FLACC1: variants seen among roughly 807,000 people sequenced by gnomAD.
The protein encoded by FLACC1 is flagellum-associated coiled-coil domain-containing protein 1.
A neutral mutation model predicts 62.8 loss-of-function variants in FLACC1; 66 were observed. That is an observed-to-expected ratio of 1.05 (90% CI 0.86 to 1.29). The LOEUF is 1.29. Among genes scored for constraint, FLACC1 ranks in the 50% most tolerant of loss-of-function variants. The probability of loss-of-function intolerance (pLI) is 0.00; values close to 1 mark genes in which losing one functional copy is unlikely to be tolerated. For synonymous variants in FLACC1, 156 were observed against 161.0 expected, an observed-to-expected ratio of 0.97 and a Z score of 0.24; for missense variants, 452 against 489.1, an observed-to-expected ratio of 0.92 and a Z score of 0.71.
intron 12 of FLACC1, among the ~76,000 whole-genome samples, chr2:201,290,674 C>A (rs968514374): frequency 6.6e-6 from 1 of 152,076 alleles, no homozygotes; most frequent in Non-Finnish European, 1.5e-5. Context: ...GATTGTCAGA[C>A]AGTGGGTGCA....
At chr2:201,301,891 A>C (rs1378891538) in intron 11 of FLACC1, among the ~76,000 whole-genome samples, 1 of 152,208 alleles carries the variant, frequency 6.6e-6, no homozygotes, top group East Asian at 1.9e-4. Context: ...ATTCTGAGAG[A>C]TTTTGTCACC....
chr2:201,330,656 G>C, intron 8 of FLACC1, 80 bp downstream of exon 8: 6 of 1,550,890 alleles, frequency 3.9e-6, no homozygotes, highest in Non-Finnish European at 5.3e-6. Flanking sequence ...TGTGTGCCTT[G>C]GAAATCACCC....
At chr2:201,354,867 C>A (rs1403558994) in intron 1 of FLACC1, among the ~76,000 whole-genome samples, 2 of 152,114 alleles carry the variant, frequency 1.3e-5, no homozygotes, top group Non-Finnish European at 2.9e-5. Flanking sequence ...GCTCTCTGTG[C>A]CTCAACACCT....
At chr2:201,294,568 C>T (rs548990255) in intron 12 of FLACC1, among the ~76,000 whole-genome samples, 253 of 152,284 alleles carry the variant, frequency 1.7e-3, no homozygotes, top group Middle Eastern at 6.8e-3. Flanking sequence ...CAATATCATA[C>T]TGAATGGGCA....
intron 9 of FLACC1, among the ~76,000 whole-genome samples, chr2:201,327,817 C>T (rs1013039300): frequency 2.0e-5 from 3 of 151,968 alleles, no homozygotes; most frequent in South Asian, 2.1e-4. Flanking sequence ...TGATCTCTAC[C>T]GAAAGGAAAA....
At chr2:201,339,060 G>A (rs1478002477) in intron 7 of FLACC1, among the ~76,000 whole-genome samples, 1 of 152,026 alleles carries the variant, frequency 6.6e-6, no homozygotes, top group Non-Finnish European at 1.5e-5. Flanking sequence ...TTTCTTTGTT[G>A]GGAGACTTTT....
chr2:201,353,002 C>T (rs1467834627), intron 1 of FLACC1, among the ~76,000 whole-genome samples: 1 of 152,164 alleles, frequency 6.6e-6, no homozygotes, highest in African/African-American at 2.4e-5. Flanking sequence ...CTGCCGACCT[C>T]TTGATTTTAG....
At chr2:201,349,640 A>T (rs1288692006) in intron 3 of FLACC1, among the ~76,000 whole-genome samples, 1 of 152,222 alleles carries the variant, frequency 6.6e-6, no homozygotes, top group Non-Finnish European at 1.5e-5. Flanking sequence ...TCATACAAAG[A>T]CCTAAAACTA....
chr2:201,323,939 C>A (rs190014842), intron 9 of FLACC1, among the ~76,000 whole-genome samples: 2 of 151,568 alleles, frequency 1.3e-5, no homozygotes, highest in Non-Finnish European at 2.9e-5. Flanking sequence ...AAAGCAATAA[C>A]AGAATGAAAA....
chr2:201,330,898 CT>C, intron 7 of FLACC1, 65 bp from the exon 8 acceptor site: 7 of 1,319,902 alleles, frequency 5.3e-6, no homozygotes, highest in Non-Finnish European at 7.4e-6. Flanking sequence ...AGCTGTTACC[CT>C]GATCTGATCC....
chr2:201,328,092 G>C (rs1950528630), intron 9 of FLACC1, among the ~76,000 whole-genome samples: 2 of 152,120 alleles, frequency 1.3e-5, no homozygotes, highest in Admixed American at 1.3e-4. Flanking sequence ...ACTTAAAAGT[G>C]GGAGCTAAGT....
upstream of FLACC1, among the ~76,000 whole-genome samples, chr2:201,360,130 A>G (rs1951172679): frequency 6.6e-6 from 1 of 152,216 alleles, no homozygotes. Context: ...CGCCAGTTCC[A>G]AAACAGCTGA....
intron 11 of FLACC1, among the ~76,000 whole-genome samples, chr2:201,302,729 G>A (rs942211275): frequency 8.6e-5 from 13 of 152,036 alleles, no homozygotes; most frequent in East Asian, 7.7e-4. Flanking sequence ...ACAACAAACC[G>A]TCTCTCAGAC....
At chr2:201,294,704 T>A (rs1406317152) in intron 12 of FLACC1, among the ~76,000 whole-genome samples, 1 of 152,176 alleles carries the variant, frequency 6.6e-6, no homozygotes, top group Admixed American at 6.5e-5. Flanking sequence ...ATAAAGGGTA[T>A]TCAATTAGGA....
intron 9 of FLACC1, among the ~76,000 whole-genome samples, chr2:201,317,624 C>T (rs1045848993): frequency 6.6e-6 from 1 of 152,044 alleles, no homozygotes; most frequent in African/African-American, 2.4e-5. Context: ...ATCATACTGC[C>T]AAAAGCAATC....
At chr2:201,333,629 C>T (rs931142736) in intron 7 of FLACC1, among the ~76,000 whole-genome samples, 5 of 146,796 alleles carry the variant, frequency 3.4e-5, no homozygotes, top group Non-Finnish European at 7.4e-5. Flanking sequence ...TGTTCAATTC[C>T]CACCTATGAG....
chr2:201,311,757 T>C (rs574578928), intron 9 of FLACC1, among the ~76,000 whole-genome samples: 3 of 149,186 alleles, frequency 2.0e-5, no homozygotes, highest in South Asian at 2.1e-4. Flanking sequence ...ATTCTCACAA[T>C]GCAAGGTTGG....
In FLACC1 at chr2:201,307,533, T is replaced by A. The variant is rs199908248; in HGVS notation, c.865A>T (p.Ile289Phe). Residue 289 changes from isoleucine to phenylalanine, a missense_variant, in exon 11 of 15, where the codon ATT (isoleucine) becomes TTT (phenylalanine). By Grantham distance (21) the Ile-to-Phe change is conservative. Transcript: ENST00000392257. ...ESCSAVFENF[I>F]QEKEELLKQH... ...GGCTGAGTTACCTCCTTCTCTTGAA[T>A]GAAGTTCTCAAAGACAGCACTGCAG... 5.0e-6 allele frequency: 8 copies of A among 1,613,926 alleles called. No homozygotes were observed. The African/African-American group carries it at 1.1e-4, about 22-fold the overall frequency.
At chr2:201,306,527 T>C (rs555079864) in intron 11 of FLACC1, among the ~76,000 whole-genome samples, 1 of 152,266 alleles carries the variant, frequency 6.6e-6, no homozygotes, top group East Asian at 1.9e-4. Context: ...CTTCACTTCA[T>C]ACACAAAAAT....
Sources: gnomAD v4.1 joint callset for allele counts (sites outside exome capture counted in the v4.1 genomes callset) on GRCh38, gnomAD v4.1.1 for gene constraint, MANE v1.5 for transcripts, NCBI Gene and HGNC (gene_info 2026-07-23, HGNC 2026-07-21) for gene names.